PHACTR3: variants seen among roughly 807,000 people sequenced by gnomAD.
PHACTR3 encodes the protein protein phosphatase 1, regulatory subunit 123.
In PHACTR3, 16 loss-of-function variants were observed where a neutral mutation model predicts 66.8. That is an observed-to-expected ratio of 0.24 (90% confidence interval 0.16 to 0.36). The LOEUF is 0.36. PHACTR3 is among the 10% of genes least tolerant of loss of function. PHACTR3 has a pLI of 1.00. For missense variants in PHACTR3, 647 were observed against 719.9 expected (o/e 0.90, Z 1.16); for synonymous variants, 323 against 292.1 (o/e 1.11, Z -1.08).
intron 3 of PHACTR3, among the ~76,000 whole-genome samples, chr20:59,748,711 TC>T (rs1313341772): frequency 6.6e-6 from 1 of 152,154 alleles, no homozygotes; most frequent in Admixed American, 6.5e-5. Context: ...TGGAAGACTC[TC>T]TGGAGCTGGA....
At chr20:59,653,148 A>G (rs2035510763) in intron 1 of PHACTR3, among the ~76,000 whole-genome samples, 1 of 152,186 alleles carries the variant, frequency 6.6e-6, no homozygotes, top group Non-Finnish European at 1.5e-5. Flanking sequence ...AATTGAACCT[A>G]ACTATATATC....
At chr20:59,745,677 T>A (rs2039340231) in intron 2 of PHACTR3, among the ~76,000 whole-genome samples, 1 of 152,146 alleles carries the variant, frequency 6.6e-6, no homozygotes, top group Non-Finnish European at 1.5e-5. Context: ...AAACAGTGGT[T>A]TTGGTAGGCG....
intron 1 of PHACTR3, among the ~76,000 whole-genome samples, chr20:59,579,002 GAA>G (rs1376812930): frequency 1.4e-4 from 22 of 152,200 alleles, no homozygotes; most frequent in Non-Finnish European, 1.6e-4. Context: ...TAATGGGGCA[GAA>G]GCCCCTCCCC....
chr20:59,659,370 C>CTTTTT lies in PHACTR3; in HGVS notation c.118+54257_118+54261dup, dbSNP rs757895372. On this transcript the variant is annotated intron_variant, in intron 1 of 12. Coordinates refer to ENST00000371015, the MANE Select transcript of PHACTR3 (RefSeq NM_080672.5). ...ACCTGTAGATCAGCTGGGTCTGGGA[C>CTTTTT]TTTTTTTTTTTTTTTTTTTTTTTGA... Among the ~76,000 whole-genome samples, 64 of 92,752 alleles carry CTTTTT rather than the reference C, an allele frequency of 6.9e-4. 4 individuals are homozygous for CTTTTT. Among genetic ancestry groups the CTTTTT allele is most frequent in the East Asian group, 4.6e-3 (12 of 2,630 alleles). The allele number at this position is 92,752 out of a possible 152,430, so 60.8% of individuals were successfully genotyped here.
intron 1 of PHACTR3, among the ~76,000 whole-genome samples, chr20:59,662,759 G>C (rs1490806784): frequency 6.6e-6 from 1 of 152,130 alleles, no homozygotes; most frequent in Non-Finnish European, 1.5e-5. Flanking sequence ...GGAGGTGCTG[G>C]GGGCCAGTCC....
intron 1 of PHACTR3, among the ~76,000 whole-genome samples, chr20:59,659,321 G>T (rs541518399): frequency 4.0e-5 from 6 of 149,808 alleles, no homozygotes; most frequent in Non-Finnish European, 8.9e-5. Flanking sequence ...CCACTTATCA[G>T]AGTTGGAACA....
At chr20:59,734,154 A>G (rs188204153) in intron 1 of PHACTR3, among the ~76,000 whole-genome samples, 9 of 152,278 alleles carry the variant, frequency 5.9e-5, no homozygotes, top group Admixed American at 4.6e-4. Flanking sequence ...TCCATAGACC[A>G]TAAGCTCCAG....
chr20:59,845,961 T>C (rs1199052920), intron 12 of PHACTR3, among the ~76,000 whole-genome samples: 1 of 152,176 alleles, frequency 6.6e-6, no homozygotes, highest in Non-Finnish European at 1.5e-5. Context: ...TCTTTACTTA[T>C]TGAACTGCAT....
intron 8 of PHACTR3, among the ~76,000 whole-genome samples, chr20:59,807,448 G>A (rs2094383): frequency 0.21 from 31,352 of 152,142 alleles, 6,636 homozygotes; most frequent in African/African-American, 0.52. Flanking sequence ...TATGAGAACA[G>A]TGCCTTCTGG....
At chr20:59,808,195 C>T (rs997815515) in intron 8 of PHACTR3, among the ~76,000 whole-genome samples, 1 of 152,208 alleles carries the variant, frequency 6.6e-6, no homozygotes, top group African/African-American at 2.4e-5. Context: ...TTCCACATTC[C>T]AGAGCCACTG....
At position 59,774,305 on chromosome 20, in the gene PHACTR3, C is replaced by G; in HGVS notation, c.989C>G (p.Thr330Arg). ...CGGCTGGATGTCCGTCTGTCGAGAA[C>G]GTCCAGCGTGGAGCGGGGCAAGGAG... Reference protein sequence around the residue: ...KKRLDVRLSRTSSVERGKERE... With the variant: ...KKRLDVRLSRRSSVERGKERE... Residue 330 changes from threonine to arginine, a missense_variant, in exon 7 of 13, where the codon ACG (threonine) becomes AGG (arginine). Thr to Arg is a moderately conservative substitution (Grantham distance 71). This residue lies in a region of PHACTR3 where 577 missense variants were observed against 571.1 expected (regional missense o/e 1.01). Coordinates refer to ENST00000371015, the MANE Select transcript of PHACTR3 (RefSeq NM_080672.5). The G allele has an allele frequency of 6.2e-7, 1 of 1,613,148 alleles. No individual in the cohort carries two copies. The highest frequency in any genetic ancestry group is 8.5e-7 in the Non-Finnish European group (1 of 1,179,732).
intron 1 of PHACTR3, among the ~76,000 whole-genome samples, chr20:59,662,020 C>A (rs948241013): frequency 2.0e-5 from 3 of 152,088 alleles, no homozygotes; most frequent in African/African-American, 7.2e-5. Context: ...GCACAGGAGA[C>A]CCCATTTAGA....
intron 1 of PHACTR3, among the ~76,000 whole-genome samples, chr20:59,631,535 G>A (rs1291221489): frequency 1.3e-5 from 2 of 152,124 alleles, no homozygotes; most frequent in Non-Finnish European, 2.9e-5. Context: ...ACAGAGGCAG[G>A]AGGGGTGGGC....
At chr20:59,757,463 C>T (rs2039840691) in intron 4 of PHACTR3, among the ~76,000 whole-genome samples, 3 of 152,186 alleles carry the variant, frequency 2.0e-5, no homozygotes, top group Admixed American at 1.3e-4. Context: ...TGCAGAGCAT[C>T]CCAGAAAGGG....
chr20:59,831,163 TG>T (rs1301078067), intron 8 of PHACTR3, among the ~76,000 whole-genome samples: 1 of 152,212 alleles, frequency 6.6e-6, no homozygotes, highest in African/African-American at 2.4e-5. Context: ...CCTGTTTGGC[TG>T]GTGCCCCCTT....
In PHACTR3 at chr20:59,674,413, T is replaced by TCCCCTTCTCCTGTCCCCC. The variant is rs1169991487; in HGVS notation, c.119-68692_119-68675dup. 1.2e-3 allele frequency among the ~76,000 whole-genome samples: 147 copies of TCCCCTTCTCCTGTCCCCC among 127,128 alleles called. 1 individual carries two copies. The highest frequency in any genetic ancestry group is 4.6e-3 in the African/African-American group (135 of 29,542). 83.4% of individuals were successfully genotyped at this position (127,128 alleles called of 152,430 possible). Reference sequence around the variant, plus strand: ...TCCTGTTCCTCCTTCTCCTGTTCCTTCCCCTTCTCCTGTCCCCCCTTCTCC... The same window carrying TCCCCTTCTCCTGTCCCCC: ...TCCTGTTCCTCCTTCTCCTGTTCCTTCCCCTTCTCCTGTCCCCCCCCCTTCTCCTGTCCCCCCTTCTCC... On this transcript the variant is annotated intron_variant, in intron 1 of 12. Transcript: ENST00000371015.
chr20:59,645,866 T>C (rs1418141107), intron 1 of PHACTR3, among the ~76,000 whole-genome samples: 1 of 152,118 alleles, frequency 6.6e-6, no homozygotes, highest in African/African-American at 2.4e-5. Context: ...CGGCTAGAAT[T>C]AATGAATGAG....
intron 10 of PHACTR3, among the ~76,000 whole-genome samples, chr20:59,841,107 ATAAAATCTAAGT>A (rs1234836737): frequency 2.0e-5 from 3 of 152,332 alleles, no homozygotes; most frequent in Non-Finnish European, 4.4e-5. Flanking sequence ...CAGTGATGCC[ATAAAATCTAAGT>A]TAATTCACTA....
At chr20:59,744,081 C>T (rs143922084) in intron 2 of PHACTR3, among the ~76,000 whole-genome samples, 31 of 152,350 alleles carry the variant, frequency 2.0e-4, no homozygotes, top group African/African-American at 7.5e-4. Context: ...GACAAGCAGC[C>T]GTAAGGCACA....
Sources: allele counts gnomAD v4.1 joint callset (sites outside exome capture counted in the v4.1 genomes callset), GRCh38; gene constraint gnomAD v4.1.1; regional missense constraint gnomAD v4.1.1; transcripts MANE v1.5; gene names NCBI Gene and HGNC (gene_info 2026-07-23, HGNC 2026-07-21).